The following RALYL variants were observed in gnomAD, a reference collection of about 807,000 sequenced individuals.
The protein encoded by RALYL is RNA-binding Raly-like protein.
Under a neutral mutation model 35.1 loss-of-function variants are expected in RALYL, and 29 were observed. The ratio of observed to expected loss-of-function variants is 0.83; its 90% CI spans 0.61 to 1.13. RALYL has a LOEUF of 1.13. RALYL is among the 50% of genes most tolerant of loss of function. The pLI is 0.00. For synonymous variants in RALYL, 120 were observed against 127.6 expected, an observed-to-expected ratio of 0.94 and a Z score of 0.40; for missense variants, 359 against 360.4, an observed-to-expected ratio of 1.00 and a Z score of 0.03.
At chr8:84,267,611 C>A (rs1335586594) in intron 1 of RALYL, among the ~76,000 whole-genome samples, 1 of 152,124 alleles carries the variant, frequency 6.6e-6, no homozygotes. Context: ...ATGTTAAGTT[C>A]TTTTTCTCCT....
chr8:84,295,433 C>G (rs982413404), intron 1 of RALYL, among the ~76,000 whole-genome samples: 2 of 152,082 alleles, frequency 1.3e-5, no homozygotes, highest in Admixed American at 6.6e-5. Context: ...TTTATAGAGA[C>G]AGTGAGGAAT....
chr8:84,691,660 C>T (rs569225068), intron 2 of RALYL, among the ~76,000 whole-genome samples: 3 of 151,904 alleles, frequency 2.0e-5, no homozygotes, highest in South Asian at 2.1e-4. Flanking sequence ...AGTGGTGAGG[C>T]CTATATCAGA....
intron 2 of RALYL, among the ~76,000 whole-genome samples, chr8:84,593,211 T>C (rs1280856901): frequency 6.6e-6 from 1 of 152,102 alleles, no homozygotes; most frequent in African/African-American, 2.4e-5. Flanking sequence ...CTCTCCCCTG[T>C]ATGTCTGGTC....
intron 1 of RALYL, among the ~76,000 whole-genome samples, chr8:84,254,158 C>G (rs1830775599): frequency 6.6e-6 from 1 of 152,072 alleles, no homozygotes. Context: ...AGACCATGTT[C>G]CTTTTACCTC....
intron 2 of RALYL, among the ~76,000 whole-genome samples, chr8:84,584,237 T>C (rs1403601407): frequency 1.3e-5 from 2 of 152,214 alleles, no homozygotes; most frequent in Admixed American, 1.3e-4. Flanking sequence ...GAATAGATCA[T>C]ATGGCAGAAC....
intron 1 of RALYL, among the ~76,000 whole-genome samples, chr8:84,291,948 A>G (rs948884151): frequency 6.7e-6 from 1 of 149,768 alleles, no homozygotes; most frequent in African/African-American, 2.4e-5. Flanking sequence ...TATATATATT[A>G]TATAATACAT....
intron 2 of RALYL, among the ~76,000 whole-genome samples, chr8:84,657,646 C>T (rs543465459): frequency 1.0e-3 from 154 of 152,236 alleles, no homozygotes; most frequent in East Asian, 8.3e-3. Flanking sequence ...AAAAACAAAT[C>T]AGAGAAAGAA....
chr8:84,879,550 C>CAGAT (rs1218593775), intron 7 of RALYL, among the ~76,000 whole-genome samples: 1 of 151,920 alleles, frequency 6.6e-6, no homozygotes, highest in Non-Finnish European at 1.5e-5. Flanking sequence ...ATAATGTCAA[C>CAGAT]AGATAGTGCA....
intron 4 of RALYL, among the ~76,000 whole-genome samples, chr8:84,832,035 G>A (rs77939143): frequency 6.6e-6 from 1 of 152,050 alleles, no homozygotes; most frequent in African/African-American, 2.4e-5. Flanking sequence ...AGTATAAAAA[G>A]ATTTGCTAAA....
At chr8:84,691,483 T>A (rs1169101740) in intron 2 of RALYL, among the ~76,000 whole-genome samples, 1 of 152,070 alleles carries the variant, frequency 6.6e-6, no homozygotes, top group East Asian at 1.9e-4. Context: ...TGACAGTGAA[T>A]TGAGAAAGAT....
chr8:84,843,456 T>G (rs1291258718), intron 4 of RALYL, among the ~76,000 whole-genome samples: 4 of 152,034 alleles, frequency 2.6e-5, no homozygotes, highest in East Asian at 3.9e-4. Flanking sequence ...CACTGCTCAA[T>G]GAAATAAAAG....
At chr8:84,418,797 CTGTT>C (rs1446053144) in intron 1 of RALYL, among the ~76,000 whole-genome samples, 4 of 152,166 alleles carry the variant, frequency 2.6e-5, no homozygotes, top group Non-Finnish European at 4.4e-5. Flanking sequence ...AGTTGATTCA[CTGTT>C]TGTCTCCCTC....
intron 1 of RALYL, among the ~76,000 whole-genome samples, chr8:84,225,623 C>T (rs1823684700): frequency 1.3e-5 from 2 of 152,176 alleles, no homozygotes; most frequent in African/African-American, 4.8e-5. Flanking sequence ...CTTTTCACTA[C>T]TGGTTTTGTC....
intron 1 of RALYL, among the ~76,000 whole-genome samples, chr8:84,463,332 A>G (rs2051047325): frequency 6.6e-6 from 1 of 151,962 alleles, no homozygotes; most frequent in African/African-American, 2.4e-5. Flanking sequence ...AATCACTGGT[A>G]TTTTTGCTGC....
chr8:84,562,798 A>T (rs913335193), intron 2 of RALYL, among the ~76,000 whole-genome samples: 1 of 151,894 alleles, frequency 6.6e-6, no homozygotes, highest in Admixed American at 6.6e-5. Context: ...CTAGGCAATG[A>T]CTGTGCTAAT....
At chr8:84,486,009 C>CT (rs3043836) in intron 1 of RALYL, among the ~76,000 whole-genome samples, 3,798 of 104,886 alleles carry the variant, frequency 0.036, 116 homozygotes, top group Non-Finnish European at 0.043. Flanking sequence ...AAATCAAAAG[C>CT]TTTTTTTTTT....
chr8:84,396,981 A>G (rs1399728099), intron 1 of RALYL, among the ~76,000 whole-genome samples: 2 of 152,116 alleles, frequency 1.3e-5, no homozygotes, highest in Admixed American at 6.6e-5. Flanking sequence ...TTACATGGCA[A>G]TAGGGACTTA....
At chr8:84,233,916 G>C (rs1033922766) in intron 1 of RALYL, among the ~76,000 whole-genome samples, 2 of 151,992 alleles carry the variant, frequency 1.3e-5, no homozygotes, top group African/African-American at 4.8e-5. Context: ...CCTTACTTCA[G>C]ATGAAAACTG....
At chr8:84,844,088 C>G (rs1004670654) in intron 4 of RALYL, among the ~76,000 whole-genome samples, 3 of 152,256 alleles carry the variant, frequency 2.0e-5, no homozygotes, top group Admixed American at 2.0e-4. Flanking sequence ...ACACCAAAAG[C>G]AATGGCAACA....
Sources: allele counts gnomAD v4.1 joint callset (sites outside exome capture counted in the v4.1 genomes callset), GRCh38; gene constraint gnomAD v4.1.1; transcripts MANE v1.5; gene names NCBI Gene and HGNC (gene_info 2026-07-23, HGNC 2026-07-21).